GEMIN5: variants seen among roughly 807,000 people sequenced by gnomAD.
The protein encoded by GEMIN5 is gem nuclear organelle associated protein 5.
GEMIN5 carries 124 observed loss-of-function variants against 176.9 expected under a neutral mutation model. The observed-to-expected ratio is 0.70, with a 90% confidence interval of 0.61 to 0.81. GEMIN5 has a LOEUF of 0.81. Ranked by LOEUF, GEMIN5 falls within the 40% of genes least tolerant of loss-of-function variation. The pLI is 0.00. For missense variants in GEMIN5, 1,843 were observed against 1,814.6 expected (o/e 1.02, Z -0.28); for synonymous variants, 673 against 665.2 (o/e 1.01, Z -0.18).
intron 20 of GEMIN5, among the ~76,000 whole-genome samples, chr5:154,901,949 T>G (rs1412464863): frequency 1.3e-5 from 2 of 152,274 alleles, no homozygotes; most frequent in Non-Finnish European, 2.9e-5. Flanking sequence ...TACAGGTACA[T>G]GTCACCATGC....
intron 3 of GEMIN5, among the ~76,000 whole-genome samples, chr5:154,935,304 C>T (rs1471455940): frequency 2.6e-5 from 4 of 152,228 alleles, no homozygotes; most frequent in Non-Finnish European, 4.4e-5. Context: ...TCTCCTTCAA[C>T]ATTCTAGGGA....
At chr5:154,937,409 G>C (rs1764292277) in intron 1 of GEMIN5, among the ~76,000 whole-genome samples, 1 of 152,240 alleles carries the variant, frequency 6.6e-6, no homozygotes, top group African/African-American at 2.4e-5. Context: ...ACTGTGAAAT[G>C]AATGTTGATA....
intron 2 of GEMIN5, 44 bp downstream of exon 2, chr5:154,936,981 A>G: frequency 6.5e-7 from 1 of 1,529,302 alleles, no homozygotes; most frequent in Non-Finnish European, 9.0e-7. Flanking sequence ...AACCCTCAGC[A>G]CAGATAGATA....
chr5:154,924,511 G>A lies in GEMIN5; in HGVS notation c.1337C>T (p.Thr446Ile), dbSNP rs1763987662. 5.0e-6 allele frequency: 8 copies of A among 1,612,582 alleles called. No homozygotes were observed. The East Asian group carries it at 1.8e-4, about 36-fold the overall frequency. ...PTKEGCLAFG[T>I]DDGKVGLYDT... ...ATACAATCCCACTTTTCCATCATCA[G>A]TTCCAAAAGCTAAGCAACCTTCCTT... The change falls in exon 9 of 28, where the codon ACT becomes ATT. Residue 446 changes from threonine (T) to isoleucine (I), a missense_variant. Transcript: ENST00000285873.
chr5:154,927,538 C>A lies in GEMIN5; in HGVS notation c.927G>T (p.Leu309Phe), dbSNP rs139967968. Reference sequence around the variant, plus strand: ...TCCAAGATTGAGTGAGATCCCATTGCAACAGTTCACCTCTGTGAAGGAAAA... The same window carrying A: ...TCCAAGATTGAGTGAGATCCCATTGAAACAGTTCACCTCTGTGAAGGAAAA... ...LVSSCFGGEL[L>F]QWDLTQSWRR... Residue 309 changes from leucine to phenylalanine, a missense_variant, in exon 7 of 28, where the codon TTG (leucine) becomes TTT (phenylalanine). Coordinates refer to ENST00000285873, the MANE Select transcript of GEMIN5 (RefSeq NM_015465.5). 2 of 1,601,792 alleles carry A rather than the reference C, an allele frequency of 1.2e-6. No homozygotes were observed. Among genetic ancestry groups the A allele is most frequent in the Non-Finnish European group, 1.7e-6 (2 of 1,170,270 alleles).
chr5:154,924,569 G>C lies in GEMIN5; in HGVS notation c.1294-15C>G. 6.4e-7 allele frequency: 1 copy of C among 1,555,654 alleles called. No homozygotes were observed. Among genetic ancestry groups the C allele is most frequent in the Non-Finnish European group, 8.9e-7 (1 of 1,128,832 alleles). On this transcript the variant is annotated splice_polypyrimidine_tract_variant and intron_variant, in intron 8 of 27. Transcript: ENST00000285873. ...TGCCAGCACAGCTACAAAAAAAAGA[G>C]TTTCCAAGTGAGAATATAAGAAGTG...
chr5:154,921,262 C>T, intron 10 of GEMIN5, 81 bp downstream of exon 10: 1 of 782,976 alleles, frequency 1.3e-6, no homozygotes, highest in South Asian at 1.4e-5. Context: ...CCATTTATGA[C>T]TCTTTCCATC....
chr5:154,908,857 A>C (rs931845876), intron 15 of GEMIN5, among the ~76,000 whole-genome samples: 1 of 152,238 alleles, frequency 6.6e-6, no homozygotes, highest in Non-Finnish European at 1.5e-5. Context: ...TCCCCTGTTT[A>C]ACTACTAAGT....
intron 22 of GEMIN5, 101 bp from the exon 23 acceptor site, chr5:154,898,751 G>T: frequency 1.0e-6 from 1 of 974,114 alleles, no homozygotes; most frequent in Non-Finnish European, 1.6e-6. Context: ...TGCTGCATGT[G>T]CCTTCCTGTG....
In GEMIN5 at chr5:154,892,409, C is replaced by A; in HGVS notation, c.3738G>T (p.Val1246=). ...DSGSFTIMQE[V]YSAFLPDGCD... ...TACCGTCAGGGAGAAAGGCTGAGTA[C>A]ACTTCCTGCATGATGGTGAAGCTCC... Residue 1246 remains valine, a synonymous_variant, in exon 25 of 28, where the codon GTG becomes GTT. Coordinates refer to ENST00000285873, the MANE Select transcript of GEMIN5 (RefSeq NM_015465.5). The A allele has an allele frequency of 3.1e-6, 5 of 1,614,078 alleles. No homozygotes were observed. The highest frequency in any genetic ancestry group is 4.2e-6 in the Non-Finnish European group (5 of 1,179,972).
chr5:154,937,914 C>T (rs1257426874), intron 1 of GEMIN5, 54 bp downstream of exon 1: 2 of 1,447,608 alleles, frequency 1.4e-6, no homozygotes, highest in East Asian at 5.7e-5. Context: ...CACTCGGCGC[C>T]CCTGGGGAGC....
At chr5:154,923,715 C>T (rs569443081) in intron 9 of GEMIN5, among the ~76,000 whole-genome samples, 61 of 152,378 alleles carry the variant, frequency 4.0e-4, no homozygotes, top group African/African-American at 1.2e-3. Flanking sequence ...GGTTCACCAA[C>T]GCCTGGTCTA....
Position 154,901,338 on chromosome 5 carries a change from C to A in GEMIN5, c.3014+1G>T. The A allele has an allele frequency of 6.2e-7, 1 of 1,613,588 alleles. No individual in the cohort carries two copies. On this transcript the variant is annotated splice_donor_variant, in intron 21 of 27. Coordinates refer to ENST00000285873, the MANE Select transcript of GEMIN5 (RefSeq NM_015465.5). LOFTEE classifies it high-confidence loss of function. ...TATCCCAACTCTAGGACCACACAGA[C>A]CTGTAAAAATGGTTTGACTTGAGCA...
intron 14 of GEMIN5, 28 bp from the exon 15 acceptor site, chr5:154,911,926 G>C: frequency 6.3e-7 from 1 of 1,598,862 alleles, no homozygotes; most frequent in Non-Finnish European, 8.5e-7. Flanking sequence ...TGGCCGAAAA[G>C]ACATTTTCTG....
chr5:154,934,273 A>C (rs1311000963), intron 3 of GEMIN5, among the ~76,000 whole-genome samples: 1 of 151,664 alleles, frequency 6.6e-6, no homozygotes, highest in Non-Finnish European at 1.5e-5. Flanking sequence ...CACAACCTCT[A>C]CCTCCTGGGT....
At chr5:154,931,260 GA>G (rs1764155074) in intron 5 of GEMIN5, among the ~76,000 whole-genome samples, 197 bp downstream of exon 5, 2 of 152,196 alleles carry the variant, frequency 1.3e-5, no homozygotes, top group African/African-American at 4.8e-5. Flanking sequence ...GAATGCATGG[GA>G]AATACTAATC....
intron 26 of GEMIN5, 74 bp from the exon 27 acceptor site, chr5:154,889,491 T>A: frequency 1.3e-6 from 1 of 757,562 alleles, no homozygotes; most frequent in Non-Finnish European, 2.3e-6. Flanking sequence ...GTTATTTTAC[T>A]GTGGTAAAAT....
At chr5:154,900,734 G>A (rs571795180) in intron 21 of GEMIN5, among the ~76,000 whole-genome samples, 2 of 152,190 alleles carry the variant, frequency 1.3e-5, no homozygotes, top group South Asian at 4.1e-4. Context: ...TAAAAGCCAC[G>A]TATGTAAAGG....
At position 154,888,336 on chromosome 5, in the gene GEMIN5, C is replaced by T; in HGVS notation, c.4401G>A (p.Leu1467=). Residue 1467 remains leucine, a synonymous_variant, in exon 28 of 28, where the codon CTG becomes CTA. Coordinates refer to ENST00000285873, the MANE Select transcript of GEMIN5 (RefSeq NM_015465.5). Reference sequence around the variant, plus strand: ...CAGGAAAGTGGGACCTGATGAGAAGCAGGACGAGGCAGCACTCCAGCACAT... The same window carrying T: ...CAGGAAAGTGGGACCTGATGAGAAGTAGGACGAGGCAGCACTCCAGCACAT... ...FPDVLECCLV[L]LLIRSHFPGC... 2 of 1,614,098 alleles carry T rather than the reference C, an allele frequency of 1.2e-6. No individual in the cohort carries two copies. The highest frequency in any genetic ancestry group is 8.5e-7 in the Non-Finnish European group (1 of 1,180,000).
Sources: allele counts gnomAD v4.1 joint callset (sites outside exome capture counted in the v4.1 genomes callset), GRCh38; gene constraint gnomAD v4.1.1; transcripts MANE v1.5; gene names NCBI Gene and HGNC (gene_info 2026-07-23, HGNC 2026-07-21).